The following ZP2 variants were observed in gnomAD, a reference collection of about 807,000 sequenced individuals.
ZP2 encodes the protein zona pellucida sperm-binding protein 2.
Under a neutral mutation model 84.0 loss-of-function variants are expected in ZP2, and 51 were observed. The ratio of observed to expected loss-of-function variants is 0.61; its 90% CI spans 0.49 to 0.77. ZP2 has a LOEUF of 0.77. Ranked by LOEUF, ZP2 falls within the 30% of genes least tolerant of loss-of-function variation. The probability of loss-of-function intolerance (pLI) is 0.00; values close to 1 mark genes in which losing one functional copy is unlikely to be tolerated. For missense variants in ZP2, 909 were observed against 911.9 expected, an observed-to-expected ratio of 1.00 and a Z score of 0.04; for synonymous variants, 375 against 330.9, an observed-to-expected ratio of 1.13 and a Z score of -1.45.
At chr16:21,199,090 T>G (rs911834484) in intron 16 of ZP2, among the ~76,000 whole-genome samples, 1 of 151,726 alleles carries the variant, frequency 6.6e-6, no homozygotes, top group African/African-American at 2.4e-5. Context: ...CCGAGGTAGG[T>G]GGATCACCTG....
In ZP2 at chr16:21,197,512, G is replaced by C. The variant is rs2093204603; in HGVS notation, c.2206C>G (p.Leu736Val). The C allele has an allele frequency of 1.2e-6, 2 of 1,614,058 alleles. No homozygotes were observed. Among genetic ancestry groups the C allele is most frequent in the South Asian group, 1.1e-5 (1 of 91,084 alleles). ...TTTGACACAGTCCTTTTCTCGTACA[G>C]GTAGTAGATGAAGCCTAGAGTTGCC... ...VVATLGFIYY[L>V]YEKRTVSNH The change falls in exon 19 of 19, where the codon CTG becomes GTG. Residue 736 changes from leucine to valine, a missense_variant. By Grantham distance (32) the Leu-to-Val change is conservative. Coordinates refer to ENST00000574091, the MANE Select transcript of ZP2 (RefSeq NM_001376232.1).
chr16:21,210,060 A>G (rs746936197), intron 3 of ZP2, 49 bp downstream of exon 3: 1 of 1,556,844 alleles, frequency 6.4e-7, no homozygotes, highest in South Asian at 1.1e-5. Flanking sequence ...ACCTAAGCCA[A>G]AGGCTGTCTG....
chr16:21,197,905 C>T, intron 17 of ZP2, 56 bp from the exon 18 acceptor site: 1 of 1,561,284 alleles, frequency 6.4e-7, no homozygotes, highest in Non-Finnish European at 8.8e-7. Flanking sequence ...ATGTGGTTAG[C>T]TGTCCCCTGA....
chr16:21,211,672 G>C (rs780705488), upstream of ZP2: 1 of 1,576,130 alleles, frequency 6.3e-7, no homozygotes, highest in Admixed American at 1.8e-5. Flanking sequence ...CATTCTCCCA[G>C]CTGAAACGGA....
At chr16:21,209,977 AT>A in intron 3 of ZP2, 131 bp downstream of exon 3, 1 of 821,980 alleles carries the variant, frequency 1.2e-6, no homozygotes, top group Non-Finnish European at 2.0e-6. Context: ...CAAATCAGGT[AT>A]CCCCATGGCA....
intron 2 of ZP2, among the ~76,000 whole-genome samples, chr16:21,210,884 T>TC (rs2093272091): frequency 1.3e-5 from 2 of 151,964 alleles, no homozygotes; most frequent in Admixed American, 6.6e-5. Flanking sequence ...TGCATTTTTT[T>TC]TTTTTTTTTT....
At chr16:21,210,256 T>C (rs747344952) in intron 2 of ZP2, 64 bp from the exon 3 acceptor site, 23 of 1,270,578 alleles carry the variant, frequency 1.8e-5, no homozygotes, top group South Asian at 7.2e-5. Flanking sequence ...TACAAAAGTG[T>C]ATAGACTCCT....
intron 9 of ZP2, among the ~76,000 whole-genome samples, chr16:21,203,485 C>T (rs558213921): frequency 4.6e-5 from 7 of 152,234 alleles, no homozygotes; most frequent in African/African-American, 1.2e-4. Context: ...ACTCTTTGTA[C>T]GAGGCACTAA....
rs542533404 is a variant in ZP2, at chr16:21,200,434, G to A, written c.1695-556C>T. 2.0e-4 allele frequency among the ~76,000 whole-genome samples: 30 copies of A among 152,270 alleles called. 1 individual carries two copies. The highest frequency in any genetic ancestry group is 7.9e-4 in the Admixed American group (12 of 15,284). Reference sequence around the variant, plus strand: ...GCCTGGGGGACAAGAGTGAGACCTCGTCTCAAAAACAAAACAGAAGGCTTA... The same window carrying A: ...GCCTGGGGGACAAGAGTGAGACCTCATCTCAAAAACAAAACAGAAGGCTTA... On this transcript the variant is annotated intron_variant, in intron 14 of 18. Coordinates refer to ENST00000574091, the MANE Select transcript of ZP2 (RefSeq NM_001376232.1).
chr16:21,204,531 T>A (rs2093240958), intron 7 of ZP2, 127 bp from the exon 8 acceptor site: 2 of 721,044 alleles, frequency 2.8e-6, no homozygotes, highest in Non-Finnish European at 4.7e-6. Context: ...GATTTAAGCA[T>A]TTGTCTAATG....
intron 14 of ZP2, among the ~76,000 whole-genome samples, chr16:21,200,920 C>A (rs956863843): frequency 1.3e-5 from 2 of 152,060 alleles, no homozygotes; most frequent in African/African-American, 4.8e-5. Flanking sequence ...AGCATGTGGC[C>A]AAGTGTGGTG....
intron 8 of ZP2, 34 bp downstream of exon 8, chr16:21,204,274 C>T: frequency 2.5e-6 from 4 of 1,613,822 alleles, no homozygotes; most frequent in Non-Finnish European, 2.5e-6. Flanking sequence ...GACAATGTCT[C>T]CCACACTGAG....
upstream of ZP2, chr16:21,214,319 C>T: frequency 7.1e-6 from 7 of 983,662 alleles, no homozygotes; most frequent in Non-Finnish European, 8.4e-6. Context: ...TCCGGAAAAG[C>T]AGGAAGCTAC....
chr16:21,210,474 T>C (rs2093269707), intron 2 of ZP2, among the ~76,000 whole-genome samples: 1 of 152,122 alleles, frequency 6.6e-6, no homozygotes, highest in Non-Finnish European at 1.5e-5. Context: ...ACCTTGACAG[T>C]GGAGCAGATG....
chr16:21,211,788 C>T (rs1597592844), upstream of ZP2: 1 of 1,434,050 alleles, frequency 7.0e-7, no homozygotes, highest in Non-Finnish European at 9.1e-7. Flanking sequence ...GAAATCAGCT[C>T]CAGGTGAGTG....
intron 2 of ZP2, 71 bp from the exon 3 acceptor site, chr16:21,210,263 T>C: frequency 5.8e-6 from 7 of 1,200,054 alleles, no homozygotes; most frequent in Admixed American, 1.7e-5. Flanking sequence ...GTGTATAGAC[T>C]CCTCTCAGAT....
upstream of ZP2, among the ~76,000 whole-genome samples, chr16:21,214,063 G>GT (rs1301367532): frequency 6.6e-6 from 1 of 151,956 alleles, no homozygotes; most frequent in African/African-American, 2.4e-5. Flanking sequence ...AGAGCGGGAA[G>GT]TTTTTGCCTT....
chr16:21,209,028 T>C (rs1027848626), intron 4 of ZP2, among the ~76,000 whole-genome samples: 9 of 152,184 alleles, frequency 5.9e-5, no homozygotes, highest in African/African-American at 1.9e-4. Context: ...AATTCTGTGT[T>C]ATGGGGAGGA....
intron 9 of ZP2, 95 bp downstream of exon 9, chr16:21,203,935 C>T: frequency 7.2e-7 from 1 of 1,387,574 alleles, no homozygotes. Flanking sequence ...GCAATTAGAG[C>T]TCACGGGCAA....
Sources: allele counts gnomAD v4.1 joint callset (sites outside exome capture counted in the v4.1 genomes callset), GRCh38; gene constraint gnomAD v4.1.1; transcripts MANE v1.5; gene names NCBI Gene and HGNC (gene_info 2026-07-23, HGNC 2026-07-21).